The following ACYP2 variants were observed in gnomAD, a reference collection of about 807,000 sequenced individuals.
The protein encoded by ACYP2 is acylphosphatase 2.
A neutral mutation model predicts 11.2 loss-of-function variants in ACYP2; 12 were observed. The observed-to-expected ratio is 1.08, with a 90% CI of 0.69 to 1.74. ACYP2 has a LOEUF of 1.74. ACYP2 is among the 40% of genes most tolerant of loss of function. The probability of loss-of-function intolerance (pLI) is 0.00; values close to 1 mark genes in which losing one functional copy is unlikely to be tolerated. For missense variants in ACYP2, 134 were observed against 101.9 expected (o/e 1.31, Z -1.35); for synonymous variants, 43 against 32.2 (o/e 1.33, Z -1.13).
At chr2:54,013,619 C>G (rs1171435862) in intron 2 of ACYP2, among the ~76,000 whole-genome samples, 4 of 151,456 alleles carry the variant, frequency 2.6e-5, no homozygotes, top group Non-Finnish European at 4.4e-5. Flanking sequence ...TAAACTTTAA[C>G]CGATGTATTA....
At chr2:54,239,464 A>G (rs1291794882) in intron 6 of ACYP2, among the ~76,000 whole-genome samples, 1 of 152,212 alleles carries the variant, frequency 6.6e-6, no homozygotes, top group Non-Finnish European at 1.5e-5. Flanking sequence ...GTAGTCTAGA[A>G]TGAAGCTAAT....
chr2:54,252,941 T>G (rs902190011), intron 6 of ACYP2, among the ~76,000 whole-genome samples: 24 of 152,174 alleles, frequency 1.6e-4, no homozygotes, highest in Admixed American at 1.4e-3. Flanking sequence ...TAATTCCAAT[T>G]TCACAAAACA....
chr2:54,096,716 A>G (rs896926104), intron 4 of ACYP2, among the ~76,000 whole-genome samples: 5 of 152,114 alleles, frequency 3.3e-5, no homozygotes, highest in East Asian at 3.9e-4. Flanking sequence ...GCCTGCAATC[A>G]CAGGCACTCG....
intron 4 of ACYP2, among the ~76,000 whole-genome samples, chr2:54,120,968 A>G (rs1470952407): frequency 6.6e-6 from 1 of 151,800 alleles, no homozygotes; most frequent in South Asian, 2.1e-4. Flanking sequence ...GCGTGTCACA[A>G]CTCATTGGGT....
chr2:54,161,637 C>T (rs1200538986), intron 6 of ACYP2, among the ~76,000 whole-genome samples: 7 of 152,074 alleles, frequency 4.6e-5, no homozygotes, highest in Admixed American at 1.3e-4. Context: ...TAATCATTCA[C>T]GGTGACAAAT....
chr2:54,176,201 T>C (rs1448834753), intron 6 of ACYP2, among the ~76,000 whole-genome samples: 1 of 152,214 alleles, frequency 6.6e-6, no homozygotes, highest in African/African-American at 2.4e-5. Flanking sequence ...TCTTAGCCTG[T>C]TTGAAGCTTG....
intron 2 of ACYP2, among the ~76,000 whole-genome samples, chr2:53,997,211 T>G (rs1450254740): frequency 3.3e-5 from 5 of 152,270 alleles, no homozygotes; most frequent in Admixed American, 3.3e-4. Context: ...ATAGAAAGTA[T>G]GGTAGGTATA....
At chr2:54,044,917 A>G (rs571983047) in intron 2 of ACYP2, among the ~76,000 whole-genome samples, 1 of 152,346 alleles carries the variant, frequency 6.6e-6, no homozygotes, top group Non-Finnish European at 1.5e-5. Context: ...AGTTTGCAGC[A>G]TATTCAGCAT....
In ACYP2 at chr2:54,007,193, A is replaced by G. The variant is rs1178844580; in HGVS notation, c.62+33383A>G. On this transcript the variant is annotated intron_variant, in intron 2 of 6. Transcript: ENST00000607452. The stretch of plus-strand genomic sequence containing the variant: ...AGAAAGAAAGAAAGAAAAAGAAAAG[A>G]AACTACGCCTACATTTTAGCGGAGT... 2.0e-5 allele frequency among the ~76,000 whole-genome samples: 3 copies of G among 146,626 alleles called. No individual in the cohort carries two copies. In the East Asian group the frequency reaches 5.8e-4, roughly 28 times the overall value.
At chr2:54,227,073 C>A (rs1460625703) in intron 6 of ACYP2, among the ~76,000 whole-genome samples, 1 of 152,100 alleles carries the variant, frequency 6.6e-6, no homozygotes, top group Non-Finnish European at 1.5e-5. Context: ...GGTACAAATA[C>A]TGAATGTGAG....
chr2:54,126,927 C>G (rs1352301743), intron 4 of ACYP2, among the ~76,000 whole-genome samples: 2 of 145,462 alleles, frequency 1.4e-5, no homozygotes, highest in Non-Finnish European at 3.0e-5. Context: ...GCACTCCAGC[C>G]TGGGTGACAA....
intron 6 of ACYP2, among the ~76,000 whole-genome samples, chr2:54,183,131 A>T (rs1350631271): frequency 6.6e-6 from 1 of 152,232 alleles, no homozygotes; most frequent in Non-Finnish European, 1.5e-5. Flanking sequence ...CGCCTTGATA[A>T]CTAAACCTTT....
chr2:54,255,751 G>C lies in ACYP2; in HGVS notation c.405-48937G>C, dbSNP rs542405286. On this transcript the variant is annotated intron_variant, in intron 6 of 6. Coordinates refer to ENST00000607452, the MANE Select transcript of ACYP2 (RefSeq NM_001320586.2). Reference sequence around the variant, plus strand: ...AATCACTTCAGACTCCGACCTCCCTGCCCCACAGGTTTCTAGAGCCTTCTC... The same window carrying C: ...AATCACTTCAGACTCCGACCTCCCTCCCCCACAGGTTTCTAGAGCCTTCTC... 5 of 1,613,772 alleles carry C rather than the reference G, an allele frequency of 3.1e-6. No homozygotes were observed. In the East Asian group the frequency reaches 6.7e-5, roughly 22 times the overall value.
At chr2:54,045,541 G>A (rs1271910142) in intron 2 of ACYP2, among the ~76,000 whole-genome samples, 1 of 152,114 alleles carries the variant, frequency 6.6e-6, no homozygotes, top group African/African-American at 2.4e-5. Context: ...CACTGGCTGG[G>A]CATGTTGGCT....
At chr2:54,226,756 C>A (rs868589682) in intron 6 of ACYP2, among the ~76,000 whole-genome samples, 1 of 152,118 alleles carries the variant, frequency 6.6e-6, no homozygotes, top group Non-Finnish European at 1.5e-5. Context: ...ACCACCATTC[C>A]CTTACAACAA....
rs895728495 is a variant in ACYP2 at position 54,110,410 on chromosome 2, T to G, written c.278-25043T>G. ...ATGATGATTCTGTAATGTTTAGTAG[T>G]CAGCCTACATTCAAAGTTCCCCAAT... On this transcript the variant is annotated intron_variant, in intron 4 of 6. Coordinates refer to ENST00000607452, the MANE Select transcript of ACYP2 (RefSeq NM_001320586.2). Among the ~76,000 whole-genome samples the G allele has an allele frequency of 2.6e-5, 4 of 152,218 alleles. No individual in the cohort carries two copies. The East Asian group carries it at 5.8e-4, about 22-fold the overall frequency.
chr2:54,184,247 T>C (rs1173322522), intron 6 of ACYP2, among the ~76,000 whole-genome samples: 3 of 152,160 alleles, frequency 2.0e-5, no homozygotes, highest in African/African-American at 4.8e-5. Context: ...GAAACATTTC[T>C]CAGGGACCTG....
At chr2:54,287,331 G>T (rs774020876) in intron 6 of ACYP2, among the ~76,000 whole-genome samples, 1 of 151,792 alleles carries the variant, frequency 6.6e-6, no homozygotes, top group Non-Finnish European at 1.5e-5. Context: ...CATGCATAAG[G>T]GCCCCCCCTC....
At chr2:54,148,819 T>C (rs146036532) in intron 6 of ACYP2, among the ~76,000 whole-genome samples, 87 of 152,358 alleles carry the variant, frequency 5.7e-4, no homozygotes, top group African/African-American at 2.0e-3. Context: ...ATTAAGGTAC[T>C]GAATTATCAA....
Sources: gnomAD v4.1 joint callset for allele counts (sites outside exome capture counted in the v4.1 genomes callset) on GRCh38, gnomAD v4.1.1 for gene constraint, MANE v1.5 for transcripts, NCBI Gene and HGNC (gene_info 2026-07-23, HGNC 2026-07-21) for gene names.